VPS8: variants seen among roughly 807,000 people sequenced by gnomAD.
The protein encoded by VPS8 is vacuolar protein sorting-associated protein 8 homolog.
VPS8 carries 129 observed loss-of-function variants against 216.4 expected under a neutral mutation model. The observed-to-expected ratio is 0.60, with a 90% CI of 0.52 to 0.69. The LOEUF (loss-of-function observed/expected upper bound fraction) is 0.69. Among genes scored for constraint, VPS8 ranks in the 30% least tolerant of loss-of-function variants. The pLI is 0.00. For synonymous variants in VPS8, 571 were observed against 565.4 expected, an observed-to-expected ratio of 1.01 and a Z score of -0.14; for missense variants, 1,531 against 1,683.5, an observed-to-expected ratio of 0.91 and a Z score of 1.59.
chr3:184,832,696 A>T lies in VPS8; in HGVS notation c.230A>T (p.Asp77Val), dbSNP rs1352771734. 1 of 1,598,960 alleles carries T rather than the reference A, an allele frequency of 6.3e-7. No individual in the cohort carries two copies. Among genetic ancestry groups the T allele is most frequent in the Non-Finnish European group, 8.5e-7 (1 of 1,171,542 alleles). The part of the protein sequence containing the change: ...TLESILNETD[D>V]EDESFILEDP... The stretch of plus-strand genomic sequence containing the variant: ...TATCTTCTTCCAATTTAGACTGATG[A>T]TGAAGATGAGTCTTTTATTCTTGAG... Residue 77 changes from aspartate to valine, a missense_variant, in exon 4 of 48, where the codon GAT becomes GTT. By Grantham distance (152) the Asp-to-Val change is radical. This residue lies in a region of VPS8 where 199 missense variants were observed against 182.2 expected (regional missense o/e 1.09). Coordinates refer to ENST00000625842, the MANE Select transcript of VPS8 (RefSeq NM_001009921.3).
chr3:184,920,292 G>A (rs996806012), intron 29 of VPS8, 94 bp downstream of exon 29: 1 of 843,334 alleles, frequency 1.2e-6, no homozygotes, highest in Non-Finnish European at 1.7e-6. Context: ...CTTGTTAAGT[G>A]GTTTCTTGGA....
intron 42 of VPS8, among the ~76,000 whole-genome samples, chr3:184,984,183 C>CAAA (rs1453935100): frequency 0.011 from 31 of 2,884 alleles, 15 homozygotes; most frequent in East Asian, 0.043. Flanking sequence ...GACTCCGTCT[C>CAAA]AAAAAAAAAA....
intron 46 of VPS8, among the ~76,000 whole-genome samples, chr3:185,036,171 A>G (rs1445545003): frequency 6.6e-6 from 1 of 152,222 alleles, no homozygotes; most frequent in African/African-American, 2.4e-5. Context: ...CAAGATTGTA[A>G]AGATGGCCAT....
intron 42 of VPS8, 65 bp downstream of exon 42, chr3:184,983,159 C>G (rs918645218): frequency 5.2e-6 from 7 of 1,347,834 alleles, no homozygotes; most frequent in Non-Finnish European, 7.0e-6. Flanking sequence ...ATATAAATAA[C>G]AGTGAATTGG....
intron 25 of VPS8, among the ~76,000 whole-genome samples, chr3:184,902,363 C>A (rs181506335): frequency 3.3e-4 from 50 of 151,752 alleles, no homozygotes; most frequent in African/African-American, 1.1e-3. Context: ...GTAGTCCCAG[C>A]TACTCAGGAG....
chr3:184,959,762 A>G (rs1746186380), intron 37 of VPS8, among the ~76,000 whole-genome samples: 1 of 152,146 alleles, frequency 6.6e-6, no homozygotes, highest in African/African-American at 2.4e-5. Context: ...CAGTTGTCAG[A>G]AACCTGTATT....
chr3:184,950,035 G>A (rs1407335746), intron 36 of VPS8, among the ~76,000 whole-genome samples: 4 of 151,272 alleles, frequency 2.6e-5, no homozygotes, highest in African/African-American at 4.9e-5. Flanking sequence ...TTTGTCTCCC[G>A]AGTAACTGGG....
At chr3:185,043,328 AC>A (rs910773004) in intron 46 of VPS8, among the ~76,000 whole-genome samples, 1 of 152,218 alleles carries the variant, frequency 6.6e-6, no homozygotes, top group African/African-American at 2.4e-5. Flanking sequence ...TACATTAAAC[AC>A]AAACGCAGCT....
chr3:184,981,558 T>C (rs1311440794), intron 40 of VPS8, among the ~76,000 whole-genome samples: 1 of 151,070 alleles, frequency 6.6e-6, no homozygotes, highest in Admixed American at 6.6e-5. Context: ...CTCAGCCTCC[T>C]GAGTAGCTGG....
chr3:185,007,761 C>T lies in VPS8; in HGVS notation c.4002+7900C>T, dbSNP rs191455998. On this transcript the variant is annotated intron_variant, in intron 45 of 47. Coordinates refer to ENST00000625842, the MANE Select transcript of VPS8 (RefSeq NM_001009921.3). ...TGGTGTTTAGTGTTCTCTAGGAAAACGTTTTGTCTTTTGGGGTAAATGTAC... is the reference window on the plus strand; with the variant it reads ...TGGTGTTTAGTGTTCTCTAGGAAAATGTTTTGTCTTTTGGGGTAAATGTAC... 2.3e-3 allele frequency among the ~76,000 whole-genome samples: 343 copies of T among 152,140 alleles called. 1 individual carries two copies. Among genetic ancestry groups the T allele is most frequent in the African/African-American group, 7.9e-3 (328 of 41,522 alleles).
At chr3:185,012,700 A>G (rs1008319911) in intron 45 of VPS8, among the ~76,000 whole-genome samples, 1 of 152,072 alleles carries the variant, frequency 6.6e-6, no homozygotes, top group Non-Finnish European at 1.5e-5. Flanking sequence ...ATAAGCTGGC[A>G]TTTAAAATGC....
chr3:185,031,640 A>T (rs1204087974), intron 46 of VPS8, among the ~76,000 whole-genome samples: 1 of 152,196 alleles, frequency 6.6e-6, no homozygotes, highest in Non-Finnish European at 1.5e-5. Context: ...GAGAGGACAG[A>T]ACTGGTACCT....
intron 36 of VPS8, chr3:184,944,475 G>A: frequency 2.0e-6 from 2 of 984,744 alleles, no homozygotes; most frequent in Non-Finnish European, 2.4e-6. Flanking sequence ...GAGTTCTCCT[G>A]ATGTGCTTAC....
At chr3:184,816,061 T>C (rs1426062361) in intron 1 of VPS8, 1 of 152,176 alleles carries the variant, frequency 6.6e-6, no homozygotes, top group Non-Finnish European at 1.5e-5. Flanking sequence ...TTGTGCTTTT[T>C]AGGAGGAGTT....
intron 25 of VPS8, 177 bp downstream of exon 25, chr3:184,901,149 C>T (rs974944323): frequency 1.2e-5 from 7 of 600,350 alleles, no homozygotes; most frequent in Admixed American, 1.1e-4. Flanking sequence ...TAAAAAGTTT[C>T]CTCCTTCCCC....
At position 184,819,745 on chromosome 3, in the gene VPS8, A is replaced by C. The variant is rs541978694; in HGVS notation, c.-88-4800A>C. On this transcript the variant is annotated intron_variant, in intron 1 of 47. Coordinates refer to ENST00000625842, the MANE Select transcript of VPS8 (RefSeq NM_001009921.3). Reference sequence around the variant, plus strand: ...GGTTAAGGGCACTACCCCCTCAACCAGTGGAAAATCTGAGTACAACTTGTG... The same window carrying C: ...GGTTAAGGGCACTACCCCCTCAACCCGTGGAAAATCTGAGTACAACTTGTG... Among the ~76,000 whole-genome samples the C allele has an allele frequency of 3.9e-5, 6 of 152,344 alleles. No individual in the cohort carries two copies. The South Asian group carries it at 6.2e-4, about 16-fold the overall frequency.
intron 21 of VPS8, chr3:184,882,533 A>G (rs898955146): frequency 3.1e-6 from 1 of 323,942 alleles, no homozygotes; most frequent in Non-Finnish European, 6.1e-6. Flanking sequence ...TTTTTTTGTA[A>G]TGGCTTTTCA....
chr3:184,827,211 G>T (rs1718989721), intron 3 of VPS8, among the ~76,000 whole-genome samples: 1 of 152,164 alleles, frequency 6.6e-6, no homozygotes, highest in South Asian at 2.1e-4. Flanking sequence ...AGGGTTGTAG[G>T]CAGCACTTTA....
chr3:184,849,450 G>A, intron 9 of VPS8: 1 of 313,806 alleles, frequency 3.2e-6, no homozygotes, highest in Non-Finnish European at 5.8e-6. Context: ...AAACCAACCA[G>A]GGATGTTATA....
Sources: allele counts gnomAD v4.1 joint callset (sites outside exome capture counted in the v4.1 genomes callset), GRCh38; gene constraint gnomAD v4.1.1; regional missense constraint gnomAD v4.1.1; transcripts MANE v1.5; gene names NCBI Gene and HGNC (gene_info 2026-07-23, HGNC 2026-07-21).